The following EFCAB13 variants were observed in gnomAD, a reference collection of about 807,000 sequenced individuals.
EFCAB13 encodes the protein EF-hand calcium-binding domain-containing protein 13.
EFCAB13 carries 91 observed loss-of-function variants against 110.2 expected under a neutral mutation model. The observed-to-expected ratio is 0.83, with a 90% confidence interval of 0.70 to 0.98. EFCAB13 has a LOEUF of 0.98. Among genes scored for constraint, EFCAB13 ranks in the 50% least tolerant of loss-of-function variants. EFCAB13 has a pLI of 0.00. For synonymous variants in EFCAB13, 323 were observed against 369.9 expected, an observed-to-expected ratio of 0.87 and a Z score of 1.45; for missense variants, 968 against 1,119.4, an observed-to-expected ratio of 0.86 and a Z score of 1.93.
chr17:47,375,250 G>A (rs932606547), intron 12 of EFCAB13, among the ~76,000 whole-genome samples: 13 of 151,968 alleles, frequency 8.6e-5, no homozygotes, highest in African/African-American at 2.9e-4. Context: ...TAGTGATGGT[G>A]GTACAACTTT....
At chr17:47,367,930 G>T (rs1037005837) in intron 10 of EFCAB13, among the ~76,000 whole-genome samples, 1 of 152,120 alleles carries the variant, frequency 6.6e-6, no homozygotes, top group Non-Finnish European at 1.5e-5. Context: ...GTGGGCAGGG[G>T]ACTAGACTCG....
chr17:47,382,341 G>A (rs543027633), intron 14 of EFCAB13, among the ~76,000 whole-genome samples: 9 of 152,186 alleles, frequency 5.9e-5, no homozygotes, highest in South Asian at 2.1e-4. Context: ...ATGTGAATAC[G>A]CTTTATTTCT....
intron 14 of EFCAB13, among the ~76,000 whole-genome samples, chr17:47,388,122 T>A (rs2065686551): frequency 6.6e-6 from 1 of 152,224 alleles, no homozygotes; most frequent in South Asian, 2.1e-4. Context: ...GGGTTGCTGG[T>A]CCCACCTCTC....
chr17:47,359,168 A>G (rs2065496631), intron 9 of EFCAB13, among the ~76,000 whole-genome samples: 1 of 152,112 alleles, frequency 6.6e-6, no homozygotes, highest in South Asian at 2.1e-4. Context: ...ATCCATCTCT[A>G]CAAAAATACA....
intron 18 of EFCAB13, among the ~76,000 whole-genome samples, 164 bp downstream of exon 18, chr17:47,402,367 A>C (rs12452796): frequency 0.52 from 78,853 of 152,104 alleles, 20,918 homozygotes; most frequent in Middle Eastern, 0.56. Context: ...ATTGGCTGGC[A>C]TATAGGAACT....
intron 6 of EFCAB13, among the ~76,000 whole-genome samples, chr17:47,342,994 T>C (rs574237100): frequency 6.6e-6 from 1 of 152,300 alleles, no homozygotes; most frequent in South Asian, 2.1e-4. Context: ...CCCTGTGTCA[T>C]GTTTTTTGCT....
chr17:47,414,948 T>A (rs759036549), intron 23 of EFCAB13, 29 bp downstream of exon 23: 2 of 1,435,740 alleles, frequency 1.4e-6, no homozygotes, highest in Non-Finnish European at 1.9e-6. Flanking sequence ...TTCAAGAGAA[T>A]GGCTAGAAAA....
At chr17:47,424,930 T>C (rs1904891536) in intron 23 of EFCAB13, among the ~76,000 whole-genome samples, 1 of 118,344 alleles carries the variant, frequency 8.4e-6, no homozygotes, top group Non-Finnish European at 1.7e-5. Context: ...TCGCCCAGGC[T>C]GGAGTGCAGT....
Position 47,394,021 on chromosome 17 carries a change from G to C in EFCAB13, c.1727-4G>C. The C allele has an allele frequency of 6.6e-7, 1 of 1,525,344 alleles. No homozygotes were observed. Among genetic ancestry groups the C allele is most frequent in the Non-Finnish European group, 8.8e-7 (1 of 1,137,606 alleles). 94.5% of individuals were successfully genotyped at this position (1,525,344 alleles called of 1,614,324 possible). ...CCAAAAAAATGTGTTTCTTTTTCCTGTAGAAACAAAAAAAGTGAATTTTAA... is the reference window on the plus strand; with the variant it reads ...CCAAAAAAATGTGTTTCTTTTTCCTCTAGAAACAAAAAAAGTGAATTTTAA... On this transcript the variant is annotated splice_polypyrimidine_tract_variant and splice_region_variant and intron_variant, in intron 15 of 24. Coordinates refer to ENST00000331493, the MANE Select transcript of EFCAB13 (RefSeq NM_152347.5).
rs1449120234 is a variant in EFCAB13 at position 47,344,221 on chromosome 17, A to T, written c.363A>T (p.Leu121Phe). Reference sequence around the variant, plus strand: ...AGGTGACAAGGAAAGAAAACTCTTTATGCAAGTTGCCGAATCAGTACAGCG... The same window carrying T: ...AGGTGACAAGGAAAGAAAACTCTTTTTGCAAGTTGCCGAATCAGTACAGCG... ...KEKVTRKENS[L>F]CKLPNQYSVH... is the part of the protein sequence containing the mutation. Residue 121 changes from leucine (L) to phenylalanine (F), a missense_variant, in exon 7 of 25, where the codon TTA (leucine) becomes TTT (phenylalanine). Leu to Phe is a conservative substitution (Grantham distance 22). Transcript: ENST00000331493. The T allele has an allele frequency of 9.9e-6, 16 of 1,613,346 alleles. No individual in the cohort carries two copies. Among genetic ancestry groups the T allele is most frequent in the Non-Finnish European group, 1.4e-5 (16 of 1,179,424 alleles).
intron 9 of EFCAB13, among the ~76,000 whole-genome samples, chr17:47,349,219 C>T (rs561652936): frequency 9.9e-5 from 15 of 152,276 alleles, no homozygotes; most frequent in African/African-American, 3.4e-4. Flanking sequence ...TGAAGTATTC[C>T]TCTATAGGCT....
intron 17 of EFCAB13, among the ~76,000 whole-genome samples, chr17:47,399,179 T>A (rs2065766028): frequency 2.0e-5 from 3 of 152,176 alleles, no homozygotes; most frequent in African/African-American, 7.2e-5. Context: ...CCTCCCTAAG[T>A]GCTGGGATTA....
chr17:47,398,218 G>A (rs1274732474), intron 17 of EFCAB13, among the ~76,000 whole-genome samples: 3 of 128,320 alleles, frequency 2.3e-5, no homozygotes, highest in East Asian at 2.8e-4. Flanking sequence ...CCGGCCAGCC[G>A]CCCCGTCCGG....
At chr17:47,388,008 A>T (rs1469813791) in intron 14 of EFCAB13, among the ~76,000 whole-genome samples, 1 of 152,174 alleles carries the variant, frequency 6.6e-6, no homozygotes, top group Non-Finnish European at 1.5e-5. Context: ...GTTCATGCTG[A>T]GTGGAGCCAT....
intron 20 of EFCAB13, among the ~76,000 whole-genome samples, chr17:47,406,361 G>C (rs1000570906): frequency 6.6e-6 from 1 of 151,974 alleles, no homozygotes; most frequent in Non-Finnish European, 1.5e-5. Flanking sequence ...TGCCCGCCTC[G>C]GCCTCCCAAA....
chr17:47,349,798 C>T (rs1238421332), intron 9 of EFCAB13, among the ~76,000 whole-genome samples: 21 of 126,730 alleles, frequency 1.7e-4, no homozygotes, highest in Middle Eastern at 6.4e-3. Context: ...GACGGAGTCT[C>T]GCTCTGTCGC....
chr17:47,349,870 G>C (rs1044781779), intron 9 of EFCAB13, among the ~76,000 whole-genome samples: 1 of 147,676 alleles, frequency 6.8e-6, no homozygotes, highest in Non-Finnish European at 1.5e-5. Flanking sequence ...CGCTTCCCGG[G>C]TTCACGCCAT....
At chr17:47,406,434 T>G (rs939577888) in intron 20 of EFCAB13, among the ~76,000 whole-genome samples, 6 of 152,188 alleles carry the variant, frequency 3.9e-5, no homozygotes, top group African/African-American at 1.4e-4. Flanking sequence ...AATGTCATTG[T>G]TGCCTTAAGT....
At chr17:47,364,315 T>G (rs2065533504) in intron 10 of EFCAB13, among the ~76,000 whole-genome samples, 1 of 152,052 alleles carries the variant, frequency 6.6e-6, no homozygotes, top group Non-Finnish European at 1.5e-5. Flanking sequence ...ATCTCTTAAG[T>G]CTTTCTATTT....
Sources: allele counts gnomAD v4.1 joint callset (sites outside exome capture counted in the v4.1 genomes callset), GRCh38; gene constraint gnomAD v4.1.1; transcripts MANE v1.5; gene names NCBI Gene and HGNC (gene_info 2026-07-23, HGNC 2026-07-21).